VPS13C: variants seen among roughly 807,000 people sequenced by gnomAD.
VPS13C encodes the protein intermembrane lipid transfer protein VPS13C.
In VPS13C, 358 loss-of-function variants were observed where a neutral mutation model predicts 456.8. That is an observed-to-expected ratio of 0.78 (90% CI 0.72 to 0.86). The LOEUF (loss-of-function observed/expected upper bound fraction) is 0.86, where lower values mean the gene tolerates loss of function less well. Ranked by LOEUF, VPS13C falls within the 40% of genes least tolerant of loss-of-function variation. The pLI is 0.00. For missense variants in VPS13C, 4,818 were observed against 4,385.4 expected (o/e 1.10, Z -2.79); for synonymous variants, 1,578 against 1,486.7 (o/e 1.06, Z -1.41).
intron 76 of VPS13C, among the ~76,000 whole-genome samples, chr15:61,875,231 G>C (rs960631995): frequency 6.6e-6 from 1 of 152,028 alleles, no homozygotes; most frequent in African/African-American, 2.4e-5. Flanking sequence ...CCAGAACTAA[G>C]TTTCATCAAA....
At chr15:61,928,054 A>AGG (rs1217487157) in intron 51 of VPS13C, among the ~76,000 whole-genome samples, 97 of 92,818 alleles carry the variant, frequency 1.0e-3, no homozygotes, top group African/African-American at 3.8e-3. Flanking sequence ...GGGTTGGGGG[A>AGG]GGGGGGAGGG....
At chr15:61,900,937 G>C (rs946471657) in intron 66 of VPS13C, among the ~76,000 whole-genome samples, 100 of 152,116 alleles carry the variant, frequency 6.6e-4, no homozygotes, top group African/African-American at 2.4e-3. Context: ...ACAGAACGGA[G>C]CCCTCAGAAA....
At chr15:61,940,385 A>C (rs1271423991) in intron 47 of VPS13C, among the ~76,000 whole-genome samples, 1 of 152,228 alleles carries the variant, frequency 6.6e-6, no homozygotes, top group Non-Finnish European at 1.5e-5. Context: ...AAGAAAAGTG[A>C]GGGAAACAAG....
In VPS13C at chr15:61,946,358, T is replaced by C. The variant is rs2044605132; in HGVS notation, c.4929A>G (p.Arg1643=). 6.2e-7 allele frequency: 1 copy of C among 1,609,750 alleles called. No homozygotes were observed. The highest frequency in any genetic ancestry group is 8.5e-7 in the Non-Finnish European group (1 of 1,178,188). ...VKPKQTDVFA[R]LKDIIVMNVD... ...CATTCATAACTATAATATCTTTAAGTCTGGCAAACACATCAGTCTGCTTAG... is the reference window on the plus strand; with the variant it reads ...CATTCATAACTATAATATCTTTAAGCCTGGCAAACACATCAGTCTGCTTAG... Residue 1643 remains arginine (R), a synonymous_variant, in exon 44 of 85, where the codon AGA becomes AGG. Transcript: ENST00000644861.
intron 13 of VPS13C, among the ~76,000 whole-genome samples, chr15:62,009,082 A>G (rs369141917): frequency 6.6e-5 from 10 of 152,182 alleles, no homozygotes; most frequent in Non-Finnish European, 1.3e-4. Context: ...TGCAAACTAA[A>G]TGAACATCTT....
intron 66 of VPS13C, chr15:61,906,526 A>G (rs1231203933): frequency 1.3e-5 from 2 of 152,262 alleles, no homozygotes; most frequent in Non-Finnish European, 2.9e-5. Context: ...GTGAGGAGAG[A>G]AGAAATGAGG....
Position 61,874,904 on chromosome 15 carries a change from T to C in VPS13C, c.10386A>G (p.Gly3462=), listed in dbSNP as rs1349495114. 2.5e-6 allele frequency: 4 copies of C among 1,594,136 alleles called. No individual in the cohort carries two copies. Among genetic ancestry groups the C allele is most frequent in the Non-Finnish European group, 3.4e-6 (4 of 1,171,398 alleles). The change falls in exon 77 of 85, where the codon GGA becomes GGG. Residue 3462 remains glycine (G), a synonymous_variant. Transcript: ENST00000644861. The part of the protein sequence containing the change: ...PEEFAEGLVI[G]VRSLFGHTVG... ...CTGTGTGTCCAAAGAGGCTTCTCAC[T>C]CCAATCACTAACCCCTCTGCAAATT...
intron 1 of VPS13C, among the ~76,000 whole-genome samples, chr15:62,047,060 C>T (rs531733555): frequency 1.5e-4 from 22 of 151,242 alleles, no homozygotes; most frequent in African/African-American, 4.9e-4. Context: ...CATGTCAATA[C>T]GATTTAAATA....
Position 61,856,267 on chromosome 15 carries a change from G to C in VPS13C, c.11076+19C>G. ...AAGCAATGAACTCTTAGCTCTAAAG[G>C]TGTGACATGTTTTCTTACCTTAACT... On this transcript the variant is annotated intron_variant, in intron 83 of 84. Transcript: ENST00000644861. 6.2e-7 allele frequency: 1 copy of C among 1,612,048 alleles called. No individual in the cohort carries two copies. Among genetic ancestry groups the C allele is most frequent in the Non-Finnish European group, 8.5e-7 (1 of 1,178,946 alleles).
rs60910951 is a variant in VPS13C at position 61,914,878 on chromosome 15, T to TAAAAAAAAAAAAAAAA, written c.8445+739_8445+754dup. On this transcript the variant is annotated intron_variant, in intron 61 of 84. Transcript: ENST00000644861. ...ACCGAGCCTGGCCAAAACTCTGCCT[T>TAAAAAAAAAAAAAAAA]AAAAAAAAAAAAAAAAAAAAAAAAA... Among the ~76,000 whole-genome samples, 96 of 102,050 alleles carry TAAAAAAAAAAAAAAAA rather than the reference T, an allele frequency of 9.4e-4. 12 individuals are homozygous for TAAAAAAAAAAAAAAAA. Among genetic ancestry groups the TAAAAAAAAAAAAAAAA allele is most frequent in the East Asian group, 2.6e-3 (9 of 3,422 alleles). The allele number at this position is 102,050 out of a possible 152,430, so 66.9% of individuals were successfully genotyped here.
At chr15:61,948,287 T>C (rs1002351761) in intron 42 of VPS13C, among the ~76,000 whole-genome samples, 24 of 152,158 alleles carry the variant, frequency 1.6e-4, no homozygotes, top group African/African-American at 5.8e-4. Flanking sequence ...TCCAAGGATA[T>C]TTCTGAGGCT....
chr15:61,970,269 C>T (rs1335801365), intron 27 of VPS13C, among the ~76,000 whole-genome samples: 3 of 152,124 alleles, frequency 2.0e-5, no homozygotes, highest in African/African-American at 4.8e-5. Context: ...ATGACTGCAA[C>T]CCCAGTCAAC....
intron 35 of VPS13C, 146 bp downstream of exon 35, chr15:61,961,443 A>T: frequency 1.5e-6 from 1 of 681,326 alleles, no homozygotes; most frequent in South Asian, 2.2e-5. Flanking sequence ...ACACACACAC[A>T]AAACAATGAC....
intron 82 of VPS13C, among the ~76,000 whole-genome samples, chr15:61,861,215 G>A (rs879672281): frequency 5.3e-5 from 8 of 151,772 alleles, no homozygotes; most frequent in Non-Finnish European, 7.4e-5. Flanking sequence ...CGCCCGCCTC[G>A]GCCTCTCAAA....
chr15:62,032,391 CAA>C (rs1393292389), intron 5 of VPS13C, among the ~76,000 whole-genome samples: 2 of 151,768 alleles, frequency 1.3e-5, no homozygotes, highest in Admixed American at 6.6e-5. Context: ...AAAATATGCT[CAA>C]GTGTGAAAAT....
chr15:61,986,032 C>T (rs1262662140), intron 18 of VPS13C, among the ~76,000 whole-genome samples: 1 of 151,670 alleles, frequency 6.6e-6, no homozygotes, highest in Non-Finnish European at 1.5e-5. Context: ...TGCAGCACAG[C>T]ATCAAATCAT....
chr15:61,883,359 C>CT (rs1331209124), intron 68 of VPS13C, among the ~76,000 whole-genome samples: 1 of 151,956 alleles, frequency 6.6e-6, no homozygotes, highest in African/African-American at 2.4e-5. Flanking sequence ...TAAACAAACT[C>CT]TGTTTTGCAA....
chr15:61,952,989 A>G (rs2044855564), intron 38 of VPS13C, among the ~76,000 whole-genome samples: 2 of 151,972 alleles, frequency 1.3e-5, no homozygotes, highest in Admixed American at 1.3e-4. Context: ...CTCCCAGAGT[A>G]CTGAGATTAC....
intron 66 of VPS13C, among the ~76,000 whole-genome samples, chr15:61,897,473 G>A (rs909546063): frequency 8.5e-5 from 13 of 152,164 alleles, no homozygotes; most frequent in South Asian, 4.1e-4. Flanking sequence ...CTCAGGAGCC[G>A]ATGCGATCAA....
Sources: gnomAD v4.1 joint callset for allele counts (sites outside exome capture counted in the v4.1 genomes callset) on GRCh38, gnomAD v4.1.1 for gene constraint, MANE v1.5 for transcripts, NCBI Gene and HGNC (gene_info 2026-07-23, HGNC 2026-07-21) for gene names.